Variants in CFAP70 observed in about 807,000 individuals in gnomAD.
The protein encoded by CFAP70 is cilia- and flagella-associated protein 70.
In CFAP70, 81 loss-of-function variants were observed where a neutral mutation model predicts 137.6. The observed-to-expected ratio is 0.59, with a 90% CI of 0.49 to 0.71. CFAP70 has a LOEUF of 0.71. CFAP70 is among the 30% of genes least tolerant of loss of function. The probability of loss-of-function intolerance (pLI) is 0.00; values close to 1 mark genes in which losing one functional copy is unlikely to be tolerated. For synonymous variants in CFAP70, 382 were observed against 423.6 expected (o/e 0.90, Z 1.20); for missense variants, 976 against 1,226.7 (o/e 0.80, Z 3.05).
In CFAP70 at chr10:73,335,526, T is replaced by C; in HGVS notation, c.583-2A>G. 1 of 1,608,132 alleles carries C rather than the reference T, an allele frequency of 6.2e-7. No individual in the cohort carries two copies. Among genetic ancestry groups the C allele is most frequent in the Non-Finnish European group, 8.5e-7 (1 of 1,175,732 alleles). ...TGCTTGATTCCTAAATTCGCTGTCC[T>C]GTAAAATATAAATACTTCTGTTCTC... On this transcript the variant is annotated splice_acceptor_variant, in intron 6 of 26. Transcript: ENST00000310715. LOFTEE classifies it high-confidence loss of function.
intron 12 of CFAP70, among the ~76,000 whole-genome samples, chr10:73,303,676 AC>A (rs2049138032): frequency 6.6e-6 from 1 of 152,252 alleles, no homozygotes; most frequent in Non-Finnish European, 1.5e-5. Flanking sequence ...TTTTTAAAGT[AC>A]TATATAGAGT....
intron 9 of CFAP70, among the ~76,000 whole-genome samples, chr10:73,322,566 T>TA (rs143744938): frequency 0.011 from 1,109 of 105,602 alleles, 10 homozygotes; most frequent in African/African-American, 0.023. Context: ...CCCACATCTC[T>TA]AAAAAAAAAA....
At position 73,312,646 on chromosome 10, in the gene CFAP70, G is replaced by T; in HGVS notation, c.913-3C>A. 6.6e-7 allele frequency: 1 copy of T among 1,521,554 alleles called. No homozygotes were observed. The highest frequency in any genetic ancestry group is 2.3e-5 in the Admixed American group (1 of 43,890). The allele number at this position is 1,521,554 out of a possible 1,614,324, so 94.3% of individuals were successfully genotyped here. On this transcript the variant is annotated splice_polypyrimidine_tract_variant and splice_region_variant and intron_variant, in intron 9 of 26. Coordinates refer to ENST00000310715, the Ensembl canonical transcript of CFAP70. ...AACAAGCTCAATAAACATTTGGTCT[G>T]AAAAACAAAAAAACAAACAAAAAAA...
upstream of CFAP70, among the ~76,000 whole-genome samples, chr10:73,361,811 T>C (rs771501132): frequency 5.9e-5 from 9 of 152,154 alleles, no homozygotes; most frequent in Non-Finnish European, 1.0e-4. Flanking sequence ...CATCCCCAAA[T>C]TGATCTACAG....
At chr10:73,349,479 C>T (rs1193130960) in intron 3 of CFAP70, among the ~76,000 whole-genome samples, 1 of 151,332 alleles carries the variant, frequency 6.6e-6, no homozygotes, top group Non-Finnish European at 1.5e-5. Flanking sequence ...GGAGGTGGAG[C>T]TTGCAGTGAG....
At chr10:73,263,992 G>A (rs1357675596) in intron 25 of CFAP70, among the ~76,000 whole-genome samples, 1 of 151,938 alleles carries the variant, frequency 6.6e-6, no homozygotes, top group Non-Finnish European at 1.5e-5. Flanking sequence ...ATTCTTATTT[G>A]TAATCCTTTT....
At chr10:73,320,800 G>A (rs1358004266) in intron 9 of CFAP70, among the ~76,000 whole-genome samples, 5 of 151,818 alleles carry the variant, frequency 3.3e-5, no homozygotes, top group African/African-American at 1.2e-4. Flanking sequence ...CCTGATAGCT[G>A]GAACTACAGG....
intron 13 of CFAP70, 32 bp from the exon 15 acceptor site, chr10:73,299,133 T>C: frequency 6.6e-7 from 1 of 1,521,590 alleles, no homozygotes. Flanking sequence ...GGTAGACGCC[T>C]CAGAGAGGTC....
intron 23 of CFAP70, 111 bp from the exon 25 acceptor site, chr10:73,273,128 C>G: frequency 1.2e-6 from 1 of 850,344 alleles, no homozygotes. Context: ...CTAAGTTAAG[C>G]AAGTCCTTTA....
At chr10:73,319,055 A>AC (rs1325227402) in intron 9 of CFAP70, among the ~76,000 whole-genome samples, 2 of 152,250 alleles carry the variant, frequency 1.3e-5, no homozygotes, top group Non-Finnish European at 2.9e-5. Context: ...AATTCTAGGC[A>AC]CCTAGCTAGC....
intron 9 of CFAP70, among the ~76,000 whole-genome samples, chr10:73,320,089 C>T (rs1336090382): frequency 1.3e-5 from 2 of 152,084 alleles, no homozygotes; most frequent in East Asian, 1.9e-4. Flanking sequence ...TCTTCAGTTA[C>T]ATTTTAATTT....
intron 1 of CFAP70, among the ~76,000 whole-genome samples, chr10:73,355,654 G>GT (rs748578464): frequency 5.9e-5 from 9 of 152,162 alleles, no homozygotes; most frequent in Admixed American, 5.2e-4. Context: ...GCACATGCCT[G>GT]TAAGTCCCAG....
At chr10:73,345,390 T>A (rs2053619597) in intron 4 of CFAP70, 146 bp from the exon 6 acceptor site, 1 of 741,860 alleles carries the variant, frequency 1.3e-6, no homozygotes, top group Non-Finnish European at 2.2e-6. Flanking sequence ...GTTCTCTAAG[T>A]CCCATGAGTT....
intron 19 of CFAP70, among the ~76,000 whole-genome samples, chr10:73,280,410 G>A (rs919483549): frequency 1.3e-5 from 2 of 152,122 alleles, no homozygotes; most frequent in Non-Finnish European, 2.9e-5. Flanking sequence ...GCTTTGTCTG[G>A]TTTTGATACC....
intron 12 of CFAP70, among the ~76,000 whole-genome samples, chr10:73,303,128 G>A (rs2049093648): frequency 6.6e-6 from 1 of 151,918 alleles, no homozygotes; most frequent in African/African-American, 2.4e-5. Context: ...AACTTCTGAG[G>A]TCAAGCAATC....
chr10:73,264,112 T>C lies in CFAP70; in HGVS notation c.3027+5502A>G, dbSNP rs143357545. Among the ~76,000 whole-genome samples the C allele has an allele frequency of 2.0e-4, 31 of 152,334 alleles. 1 individual carries two copies. The East Asian group carries it at 6.0e-3, about 29-fold the overall frequency. On this transcript the variant is annotated intron_variant, in intron 25 of 26. Coordinates refer to ENST00000310715, the Ensembl canonical transcript of CFAP70. ...ATTTTTTCCCTATGCTGTTTTGATATGTGCCAGTCTTTCTTTGAACATTTT... is the reference window on the plus strand; with the variant it reads ...ATTTTTTCCCTATGCTGTTTTGATACGTGCCAGTCTTTCTTTGAACATTTT...
intron 23 of CFAP70, among the ~76,000 whole-genome samples, chr10:73,273,288 G>C (rs2046448579): frequency 6.6e-6 from 1 of 152,226 alleles, no homozygotes; most frequent in African/African-American, 2.4e-5. Context: ...GAGTTACACT[G>C]AAAGTGGGGG....
chr10:73,310,065 G>C, intron 12 of CFAP70, 93 bp downstream of exon 13: 1 of 770,610 alleles, frequency 1.3e-6, no homozygotes. Context: ...CTCCTGCTTA[G>C]CCCAAGGGAA....
At chr10:73,338,759 C>A (rs777615359) in intron 6 of CFAP70, among the ~76,000 whole-genome samples, 2 of 151,576 alleles carry the variant, frequency 1.3e-5, no homozygotes, top group African/African-American at 2.4e-5. Flanking sequence ...AAATATGAAT[C>A]AAAAATACAG....
Sources: gnomAD v4.1 joint callset for allele counts (sites outside exome capture counted in the v4.1 genomes callset) on GRCh38, gnomAD v4.1.1 for gene constraint, MANE v1.5 for transcripts, NCBI Gene and HGNC (gene_info 2026-07-23, HGNC 2026-07-21) for gene names.